Variants in ANXA4 observed in about 807,000 individuals in gnomAD.
The protein encoded by ANXA4 is annexin A4, also known as 35-beta calcimedin.
In ANXA4, 39 loss-of-function variants were observed where a neutral mutation model predicts 49.8. The ratio of observed to expected loss-of-function variants is 0.78; its 90% CI spans 0.61 to 1.02. The LOEUF (loss-of-function observed/expected upper bound fraction) is 1.02, where lower values mean the gene tolerates loss of function less well. Among genes scored for constraint, ANXA4 ranks in the 50% least tolerant of loss-of-function variants. ANXA4 has a pLI of 0.00. For missense variants in ANXA4, 360 were observed against 410.1 expected (o/e 0.88, Z 1.05); for synonymous variants, 134 against 152.5 (o/e 0.88, Z 0.89).
At chr2:69,812,838 T>G (rs942466160) in intron 8 of ANXA4, 129 bp downstream of exon 8, 6 of 764,686 alleles carry the variant, frequency 7.8e-6, no homozygotes, top group Non-Finnish European at 8.4e-6. Context: ...TTTAAAAATA[T>G]TCCCACAGAT....
At chr2:69,818,507 G>A in intron 9 of ANXA4, 92 bp from the exon 10 acceptor site, 1 of 768,052 alleles carries the variant, frequency 1.3e-6, no homozygotes, top group Non-Finnish European at 2.1e-6. Context: ...AGAATAAATA[G>A]TGTAGGCTAG....
chr2:69,779,852 C>G (rs1186494990), intron 1 of ANXA4, among the ~76,000 whole-genome samples: 7 of 152,164 alleles, frequency 4.6e-5, no homozygotes, highest in Non-Finnish European at 8.8e-5. Context: ...ATTCCTGAAA[C>G]TGCAGCTCAT....
chr2:69,718,317 T>C (rs1034222628), intron 2 of ANXA4, among the ~76,000 whole-genome samples: 1 of 152,172 alleles, frequency 6.6e-6, no homozygotes, highest in East Asian at 1.9e-4. Flanking sequence ...TGGATTGCAA[T>C]ATAAATGGCA....
At chr2:69,695,518 G>A (rs1678132540) in intron 2 of ANXA4, among the ~76,000 whole-genome samples, 1 of 152,218 alleles carries the variant, frequency 6.6e-6, no homozygotes. Context: ...CAGCCCATGA[G>A]TGTGAAATAA....
At chr2:69,793,078 C>T (rs112415603) in intron 3 of ANXA4, among the ~76,000 whole-genome samples, 8,522 of 151,430 alleles carry the variant, frequency 0.056, 736 homozygotes, top group Admixed American at 0.21. Flanking sequence ...ATGGTGAAAC[C>T]CCGTCTCTAC....
intron 2 of ANXA4, among the ~76,000 whole-genome samples, chr2:69,783,959 T>C (rs1344650706): frequency 1.3e-5 from 2 of 152,258 alleles, no homozygotes; most frequent in Non-Finnish European, 2.9e-5. Flanking sequence ...CTCCATTCCT[T>C]TTTATTGTTC....
intron 2 of ANXA4, among the ~76,000 whole-genome samples, chr2:69,660,275 A>T (rs1043708131): frequency 6.6e-6 from 1 of 152,204 alleles, no homozygotes; most frequent in Admixed American, 6.5e-5. Flanking sequence ...AAGTTAACAT[A>T]AAAATTGATT....
At chr2:69,650,237 C>CA (rs1466897277) in intron 1 of ANXA4, among the ~76,000 whole-genome samples, 6 of 151,932 alleles carry the variant, frequency 3.9e-5, no homozygotes, top group Admixed American at 3.9e-4. Context: ...TGCTTGGCCC[C>CA]ATGATTTTCT....
intron 2 of ANXA4, among the ~76,000 whole-genome samples, chr2:69,683,282 C>T (rs1559076000): frequency 6.6e-6 from 1 of 152,296 alleles, no homozygotes; most frequent in Non-Finnish European, 1.5e-5. Context: ...CCTCCTACTG[C>T]ATAACTCTGG....
At chr2:69,754,516 C>T (rs1276209341) in intron 1 of ANXA4, among the ~76,000 whole-genome samples, 2 of 152,180 alleles carry the variant, frequency 1.3e-5, no homozygotes, top group Admixed American at 6.5e-5. Flanking sequence ...CCACCTCAGC[C>T]TCCCAGTAGC....
chr2:69,723,954 T>C lies in ANXA4; in HGVS notation n.864+3083T>C, dbSNP rs189408988. Among the ~76,000 whole-genome samples the C allele has an allele frequency of 1.2e-3, 187 of 152,274 alleles. 4 individuals carry two copies. Among genetic ancestry groups the C allele is most frequent in the Admixed American group, 0.011 (174 of 15,304 alleles). On this transcript the variant is annotated intron_variant and non_coding_transcript_variant, in intron 3 of 3. Transcript: ENST00000418066. ...AAACCTAGGCCCGAAAGCTAAAAAC[T>C]TCTGAACTGTTGAAATGGGGCCGGG...
intron 2 of ANXA4, among the ~76,000 whole-genome samples, chr2:69,783,536 T>A (rs1208757917): frequency 6.6e-6 from 1 of 152,160 alleles, no homozygotes; most frequent in Admixed American, 6.5e-5. Context: ...TTTTAAAAAA[T>A]TTTCCAAATT....
intron 1 of ANXA4, among the ~76,000 whole-genome samples, chr2:69,646,761 A>G (rs1676022405): frequency 6.6e-6 from 1 of 152,218 alleles, no homozygotes. Flanking sequence ...GTAGCTAAAT[A>G]GACACTGGCC....
chr2:69,691,804 C>A (rs1321428676), intron 2 of ANXA4, among the ~76,000 whole-genome samples: 1 of 152,116 alleles, frequency 6.6e-6, no homozygotes, highest in East Asian at 1.9e-4. Context: ...GCTGCCTAGC[C>A]ATTATAGCTG....
chr2:69,805,997 A>G (rs1262487973), intron 4 of ANXA4, among the ~76,000 whole-genome samples: 2 of 152,242 alleles, frequency 1.3e-5, no homozygotes, highest in African/African-American at 4.8e-5. Context: ...TACATTTTGC[A>G]GATCTCTTTA....
intron 2 of ANXA4, among the ~76,000 whole-genome samples, chr2:69,716,662 A>G (rs1183145281): frequency 1.3e-5 from 2 of 152,152 alleles, no homozygotes; most frequent in Non-Finnish European, 2.9e-5. Flanking sequence ...AGACAGCACA[A>G]CAGGAGGGCA....
intron 2 of ANXA4, chr2:69,700,071 CTT>C (rs1249062620): frequency 6.6e-6 from 1 of 152,184 alleles, no homozygotes; most frequent in Non-Finnish European, 1.5e-5. Context: ...AAAAATAAGA[CTT>C]AACATTACGA....
In ANXA4 at chr2:69,818,731, T is replaced by C. The variant is rs770957010; in HGVS notation, c.724+37T>C. 8.7e-6 allele frequency: 12 copies of C among 1,378,190 alleles called. No homozygotes were observed. In the East Asian group the frequency reaches 2.5e-4, roughly 29 times the overall value. The allele number at this position is 1,378,190 out of a possible 1,614,324, so 85.4% of individuals were successfully genotyped here. A position where few individuals can be genotyped will look rare whatever the true frequency, so the allele number is the denominator to read the frequency against. ...GGGGGAGTAGAGAAACAAATGTTTA[T>C]AGATTTTCCTTCTCATTATCAGTTT... is the stretch of plus-strand genomic sequence containing the variant. On this transcript the variant is annotated intron_variant, in intron 10 of 12. Transcript: ENST00000394295.
intron 1 of ANXA4, among the ~76,000 whole-genome samples, chr2:69,776,744 GA>G (rs1033653515): frequency 1.1e-4 from 16 of 151,470 alleles, no homozygotes; most frequent in Admixed American, 2.6e-4. Flanking sequence ...TAGCTCATGA[GA>G]AAAAAAAATT....
Sources: gnomAD v4.1 joint callset for allele counts (sites outside exome capture counted in the v4.1 genomes callset) on GRCh38, gnomAD v4.1.1 for gene constraint, MANE v1.5 for transcripts, NCBI Gene and HGNC (gene_info 2026-07-23, HGNC 2026-07-21) for gene names.